SCFD2: variants seen among roughly 807,000 people sequenced by gnomAD.
SCFD2 encodes sec1 family domain-containing protein 2.
In SCFD2, 54 loss-of-function variants were observed where a neutral mutation model predicts 58.9. That is an observed-to-expected ratio of 0.92 (90% CI 0.74 to 1.15). The LOEUF (loss-of-function observed/expected upper bound fraction) is 1.15, where lower values mean the gene tolerates loss of function less well. Among genes scored for constraint, SCFD2 ranks in the 50% most tolerant of loss-of-function variants. The probability of loss-of-function intolerance (pLI) is 0.00; values close to 1 mark genes in which losing one functional copy is unlikely to be tolerated. For synonymous variants in SCFD2, 321 were observed against 335.9 expected, an observed-to-expected ratio of 0.96 and a Z score of 0.49; for missense variants, 805 against 836.6, an observed-to-expected ratio of 0.96 and a Z score of 0.47.
intron 4 of SCFD2, among the ~76,000 whole-genome samples, chr4:53,217,148 G>C (rs1390022678): frequency 6.6e-6 from 1 of 152,202 alleles, no homozygotes; most frequent in Non-Finnish European, 1.5e-5. Flanking sequence ...GAGTTCTGTA[G>C]ATTTCTATTA....
chr4:53,087,811 C>T (rs1490432361), intron 5 of SCFD2, among the ~76,000 whole-genome samples: 2 of 151,964 alleles, frequency 1.3e-5, no homozygotes, highest in Non-Finnish European at 1.5e-5. Flanking sequence ...CAGGCACCCA[C>T]CACCGTGCCC....
chr4:52,910,162 T>C (rs1008599225), intron 6 of SCFD2, among the ~76,000 whole-genome samples: 1 of 152,216 alleles, frequency 6.6e-6, no homozygotes, highest in Non-Finnish European at 1.5e-5. Context: ...ACTATAGCCA[T>C]GTAATTAAGG....
chr4:53,213,910 G>A (rs1728712082), intron 4 of SCFD2, among the ~76,000 whole-genome samples: 1 of 151,904 alleles, frequency 6.6e-6, no homozygotes, highest in South Asian at 2.1e-4. Flanking sequence ...GTGGTGTTTG[G>A]TTTTTTGTCC....
chr4:53,044,905 A>AC (rs1722995342), intron 5 of SCFD2, among the ~76,000 whole-genome samples: 10 of 15,664 alleles, frequency 6.4e-4, no homozygotes, highest in African/African-American at 1.7e-3. Context: ...CTCCACCCCC[A>AC]ACCCCCCCCC....
chr4:53,197,214 T>A, intron 4 of SCFD2, among the ~76,000 whole-genome samples: 1 of 152,124 alleles, frequency 6.6e-6, no homozygotes, highest in East Asian at 1.9e-4. Flanking sequence ...GTATGTATTA[T>A]ACTATTATTC....
At chr4:52,979,065 T>TG (rs10667731) in intron 5 of SCFD2, among the ~76,000 whole-genome samples, 2,664 of 146,860 alleles carry the variant, frequency 0.018, 41 homozygotes, top group South Asian at 0.069. Context: ...GGCCTTTTTT[T>TG]GGGGGGGGGA....
At chr4:53,199,878 C>T (rs1281942022) in intron 4 of SCFD2, among the ~76,000 whole-genome samples, 5 of 151,968 alleles carry the variant, frequency 3.3e-5, no homozygotes. Context: ...TCTCTTCCTG[C>T]TTGCAGATGG....
chr4:53,078,046 G>C (rs1421812749), intron 5 of SCFD2, among the ~76,000 whole-genome samples: 1 of 152,070 alleles, frequency 6.6e-6, no homozygotes, highest in Non-Finnish European at 1.5e-5. Context: ...AGACTTTGTT[G>C]ATTTTTCGAA....
chr4:53,008,786 T>C (rs1722034111), intron 5 of SCFD2, among the ~76,000 whole-genome samples: 1 of 152,244 alleles, frequency 6.6e-6, no homozygotes, highest in Non-Finnish European at 1.5e-5. Context: ...TTAATGGGCA[T>C]GAACTGAAAC....
In SCFD2 at chr4:52,920,821, C is replaced by A. The variant is rs758637605; in HGVS notation, c.1611G>T (p.Val537=). The part of the protein sequence containing the change: ...NLTFHKSKIA[V]DELFTSLRDI... Reference sequence around the variant, plus strand: ...CCCGAAGTGAAGTAAAGAGTTCATCCACGGCAATTTTGGATTTGTGAAATG... The same window carrying A: ...CCCGAAGTGAAGTAAAGAGTTCATCAACGGCAATTTTGGATTTGTGAAATG... Residue 537 remains valine, a synonymous_variant, in exon 6 of 9, where the codon GTG becomes GTT. Transcript: ENST00000401642. 1.2e-6 allele frequency: 2 copies of A among 1,611,162 alleles called. No individual in the cohort carries two copies. The highest frequency in any genetic ancestry group is 1.7e-6 in the Non-Finnish European group (2 of 1,177,986).
chr4:52,943,920 C>T (rs2109517887), intron 5 of SCFD2, among the ~76,000 whole-genome samples: 1 of 152,200 alleles, frequency 6.6e-6, no homozygotes, highest in Non-Finnish European at 1.5e-5. Context: ...TATTTTTAGC[C>T]CATTGAAAAC....
intron 4 of SCFD2, among the ~76,000 whole-genome samples, chr4:53,256,180 C>T (rs929086809): frequency 4.7e-5 from 7 of 150,288 alleles, no homozygotes; most frequent in East Asian, 4.0e-4. Flanking sequence ...GGGCGGCTGC[C>T]GGGCGGAGGG....
At chr4:53,325,536 A>AT (rs5858208) in intron 2 of SCFD2, among the ~76,000 whole-genome samples, 91,172 of 152,014 alleles carry the variant, frequency 0.6, 27,496 homozygotes, top group Middle Eastern at 0.66. Flanking sequence ...CATTTTATCA[A>AT]TGCAAATGGT....
chr4:53,207,516 T>C (rs28715261), intron 4 of SCFD2, among the ~76,000 whole-genome samples: 172 of 14,700 alleles, frequency 0.012, 12 homozygotes, highest in African/African-American at 0.063. Context: ...TTATATATAT[T>C]ATATATATAA....
At chr4:53,036,545 G>A (rs1577676005) in intron 5 of SCFD2, among the ~76,000 whole-genome samples, 1 of 150,206 alleles carries the variant, frequency 6.7e-6, no homozygotes, top group East Asian at 2.1e-4. Context: ...CCTTTGCAGG[G>A]ACATGGATGA....
At chr4:53,117,672 T>C (rs576416828) in intron 5 of SCFD2, among the ~76,000 whole-genome samples, 1 of 152,168 alleles carries the variant, frequency 6.6e-6, no homozygotes, top group Non-Finnish European at 1.5e-5. Flanking sequence ...AGGAGTTTTG[T>C]GCACACTAGA....
intron 5 of SCFD2, among the ~76,000 whole-genome samples, chr4:53,056,948 C>T (rs1227480065): frequency 6.6e-6 from 1 of 152,134 alleles, no homozygotes; most frequent in Non-Finnish European, 1.5e-5. Context: ...CTTTGGGAAG[C>T]CGAGGTGGCG....
chr4:53,170,244 T>C (rs1334205137), intron 4 of SCFD2, among the ~76,000 whole-genome samples: 1 of 152,234 alleles, frequency 6.6e-6, no homozygotes, highest in Non-Finnish European at 1.5e-5. Flanking sequence ...TTCATTCTTT[T>C]GCATGAGATA....
intron 5 of SCFD2, chr4:52,948,619 T>C (rs868556128): frequency 2.2e-6 from 1 of 449,576 alleles, no homozygotes. Context: ...AACCAGTGGT[T>C]CACATATGGA....
Sources: gnomAD v4.1 joint callset for allele counts (sites outside exome capture counted in the v4.1 genomes callset) on GRCh38, gnomAD v4.1.1 for gene constraint, MANE v1.5 for transcripts, NCBI Gene and HGNC (gene_info 2026-07-23, HGNC 2026-07-21) for gene names.